The following VRK2 variants were observed in gnomAD, a reference collection of about 807,000 sequenced individuals.
VRK2 encodes VRK serine/threonine kinase 2.
In VRK2, 60 loss-of-function variants were observed where a neutral mutation model predicts 57.6. That is an observed-to-expected ratio of 1.04 (90% CI 0.85 to 1.29). VRK2 has a LOEUF of 1.29. VRK2 is among the 50% of genes most tolerant of loss of function. The pLI, the probability that VRK2 is intolerant of heterozygous loss-of-function variation, is 0.00. For synonymous variants in VRK2, 231 were observed against 199.2 expected (o/e 1.16, Z -1.35); for missense variants, 705 against 588.1 (o/e 1.20, Z -2.06).
chr2:58,069,773 G>A (rs971466327), intron 2 of VRK2, among the ~76,000 whole-genome samples: 35 of 152,100 alleles, frequency 2.3e-4, no homozygotes, highest in African/African-American at 7.7e-4. Flanking sequence ...TGCACTCTCC[G>A]ACTTAGGATA....
intron 1 of VRK2, among the ~76,000 whole-genome samples, chr2:57,960,865 G>C (rs920984530): frequency 2.0e-5 from 3 of 152,180 alleles, no homozygotes; most frequent in Non-Finnish European, 4.4e-5. Flanking sequence ...AGATGGGAAG[G>C]GCCCTGCCCT....
chr2:57,979,264 T>C (rs1459303911), intron 1 of VRK2, among the ~76,000 whole-genome samples: 1 of 151,174 alleles, frequency 6.6e-6, no homozygotes, highest in Non-Finnish European at 1.5e-5. Context: ...ATGGTCGAAG[T>C]AATTTACATT....
chr2:58,093,723 T>A lies in VRK2; in HGVS notation c.543+4000T>A, dbSNP rs1185703238. On this transcript the variant is annotated intron_variant, in intron 7 of 12. Coordinates refer to ENST00000340157, the MANE Select transcript of VRK2 (RefSeq NM_006296.7). The stretch of plus-strand genomic sequence containing the variant: ...GTTGCCATTGCTTTTGGTGTTTTAG[T>A]CATGAAGTCCTTGCCCATGCCTGTG... 1.2e-4 allele frequency among the ~76,000 whole-genome samples: 19 copies of A among 152,264 alleles called. No homozygotes were observed. In the East Asian group the frequency reaches 2.9e-3, roughly 23 times the overall value.
intron 1 of VRK2, among the ~76,000 whole-genome samples, chr2:57,985,147 A>G (rs970506396): frequency 2.0e-5 from 3 of 152,060 alleles, no homozygotes; most frequent in Non-Finnish European, 2.9e-5. Context: ...ATTGGGTAAA[A>G]CTTAATTTAA....
chr2:58,158,815 C>T (rs149995807), intron 12 of VRK2, among the ~76,000 whole-genome samples: 5 of 152,232 alleles, frequency 3.3e-5, no homozygotes, highest in East Asian at 3.9e-4. Context: ...TCTATTCGGT[C>T]TATACTGGTT....
intron 1 of VRK2, among the ~76,000 whole-genome samples, chr2:57,908,866 T>G (rs1012524964): frequency 1.3e-5 from 2 of 152,102 alleles, no homozygotes. Flanking sequence ...CAAACAGAAG[T>G]GAAACTTAAC....
At chr2:58,047,579 A>C in intron 1 of VRK2, 1 of 481,836 alleles carries the variant, frequency 2.1e-6, no homozygotes, top group Non-Finnish European at 2.7e-6. Flanking sequence ...CTTAATCAGT[A>C]GTTTACACTT....
intron 7 of VRK2, among the ~76,000 whole-genome samples, chr2:58,109,566 T>G (rs955611151): frequency 2.0e-5 from 3 of 152,160 alleles, no homozygotes; most frequent in African/African-American, 7.2e-5. Context: ...ATGTCCTTCT[T>G]CACATGCTGG....
intron 7 of VRK2, among the ~76,000 whole-genome samples, chr2:58,093,553 T>C (rs1672678506): frequency 6.6e-6 from 1 of 152,234 alleles, no homozygotes; most frequent in South Asian, 2.1e-4. Flanking sequence ...CTTTGTAGAT[T>C]CTGGATATTA....
intron 2 of VRK2, among the ~76,000 whole-genome samples, chr2:58,058,763 A>C (rs1676907970): frequency 1.3e-5 from 2 of 151,962 alleles, no homozygotes; most frequent in Admixed American, 6.6e-5. Flanking sequence ...TGCATGAATT[A>C]TTTCATTGAA....
At chr2:58,111,293 G>A (rs1675530984) in intron 7 of VRK2, among the ~76,000 whole-genome samples, 1 of 152,094 alleles carries the variant, frequency 6.6e-6, no homozygotes, top group Non-Finnish European at 1.5e-5. Flanking sequence ...ATAAAAAAAA[G>A]TAATGTCTAA....
At chr2:57,943,613 T>C (rs1671166030) in intron 1 of VRK2, among the ~76,000 whole-genome samples, 1 of 152,150 alleles carries the variant, frequency 6.6e-6, no homozygotes, top group African/African-American at 2.4e-5. Flanking sequence ...GTCAGCTACT[T>C]AAAGGTCAAG....
At chr2:58,141,346 A>G (rs1681299984) in intron 11 of VRK2, among the ~76,000 whole-genome samples, 1 of 152,008 alleles carries the variant, frequency 6.6e-6, no homozygotes, top group African/African-American at 2.4e-5. Context: ...AATTCTGATT[A>G]TTATCCACCA....
chr2:58,023,573 C>T (rs967332055), intron 1 of VRK2, among the ~76,000 whole-genome samples: 17 of 151,504 alleles, frequency 1.1e-4, no homozygotes. Flanking sequence ...TTTTTGAAAG[C>T]CTACCCTCTG....
chr2:58,060,582 T>C (rs1040651571), intron 2 of VRK2, among the ~76,000 whole-genome samples: 1 of 151,810 alleles, frequency 6.6e-6, no homozygotes, highest in Admixed American at 6.6e-5. Context: ...GGTTCTATTA[T>C]CTGTTTATGT....
In VRK2 at chr2:57,970,550, T is replaced by C. The variant is rs946481523; in HGVS notation, c.-438-55115T>C. 3.5e-5 allele frequency among the ~76,000 whole-genome samples: 4 copies of C among 115,918 alleles called. No homozygotes were observed. The East Asian group carries it at 1.2e-3, about 35-fold the overall frequency. The allele number at this position is 115,918 out of a possible 152,430, so 76.0% of individuals were successfully genotyped here. A position where few individuals can be genotyped will look rare whatever the true frequency, so the allele number is the denominator to read the frequency against. The stretch of plus-strand genomic sequence containing the variant: ...GCATAGAGAAAATATAAAGAAAACA[T>C]TAATTTTGAAAGCAGTCAATGATAA... On this transcript the variant is annotated intron_variant, in intron 1 of 15. Coordinates refer to the VRK2 transcript ENST00000417641.
intron 1 of VRK2, among the ~76,000 whole-genome samples, chr2:57,951,924 C>CTTT (rs77314112): frequency 0.014 from 1,746 of 128,720 alleles, 63 homozygotes; most frequent in African/African-American, 0.049. Flanking sequence ...TTTTTCCTTC[C>CTTT]TTTTTTTTTT....
intron 2 of VRK2, among the ~76,000 whole-genome samples, chr2:58,070,361 T>C (rs1182601441): frequency 6.6e-6 from 1 of 152,128 alleles, no homozygotes. Context: ...TTATGTTATA[T>C]AGTTTTATGG....
At chr2:57,982,136 G>T (rs927110512) in intron 1 of VRK2, among the ~76,000 whole-genome samples, 1 of 152,148 alleles carries the variant, frequency 6.6e-6, no homozygotes, top group African/African-American at 2.4e-5. Context: ...CTTCATTCTG[G>T]ATGCTTTCAG....
Sources: gnomAD v4.1 joint callset for allele counts (sites outside exome capture counted in the v4.1 genomes callset) on GRCh38, gnomAD v4.1.1 for gene constraint, MANE v1.5 for transcripts, NCBI Gene and HGNC (gene_info 2026-07-23, HGNC 2026-07-21) for gene names.